The following SLC7A11 variants were observed in gnomAD, a reference collection of about 807,000 sequenced individuals.
SLC7A11 encodes solute carrier family 7 member 11, also known as cystine/glutamate transporter.
In SLC7A11, 35 loss-of-function variants were observed where a neutral mutation model predicts 54.5. That is an observed-to-expected ratio of 0.64 (90% CI 0.49 to 0.85). The LOEUF (loss-of-function observed/expected upper bound fraction) is 0.85, where lower values mean the gene tolerates loss of function less well. SLC7A11 is among the 40% of genes least tolerant of loss of function. The pLI is 0.00. For missense variants in SLC7A11, 583 were observed against 618.1 expected, an observed-to-expected ratio of 0.94 and a Z score of 0.60; for synonymous variants, 230 against 225.2, an observed-to-expected ratio of 1.02 and a Z score of -0.19.
At chr4:138,220,305 C>G (rs1303187448) in intron 4 of SLC7A11, among the ~76,000 whole-genome samples, 1 of 152,100 alleles carries the variant, frequency 6.6e-6, no homozygotes, top group African/African-American at 2.4e-5. Context: ...TGAAGTATTA[C>G]CCATTCATGA....
rs1736221977 is a variant in SLC7A11, at chr4:138,165,042, T to G, written c.*6914A>C. 6.6e-6 allele frequency: 1 copy of G among 152,334 alleles called. No individual in the cohort carries two copies. The highest frequency in any genetic ancestry group is 1.5e-5 in the Non-Finnish European group (1 of 67,998). 9.4% of individuals were successfully genotyped at this position (152,334 alleles called of 1,614,324 possible). Reference sequence around the variant, plus strand: ...GCTTGTCACAGAATATGAAAAATATTTAAATACATTCATAGATAGTACCTA... The same window carrying G: ...GCTTGTCACAGAATATGAAAAATATGTAAATACATTCATAGATAGTACCTA... On this transcript the variant is annotated 3_prime_UTR_variant, in exon 12 of 12. Coordinates refer to ENST00000280612, the MANE Select transcript of SLC7A11 (RefSeq NM_014331.4).
At chr4:138,177,332 T>G (rs933494201) in intron 11 of SLC7A11, 1 of 152,146 alleles carries the variant, frequency 6.6e-6, no homozygotes, top group Non-Finnish European at 1.5e-5. Flanking sequence ...AGAAAAAGTA[T>G]GAAAGCTATG....
intron 6 of SLC7A11, among the ~76,000 whole-genome samples, chr4:138,198,738 C>G (rs1737200640): frequency 6.6e-6 from 1 of 152,000 alleles, no homozygotes; most frequent in Non-Finnish European, 1.5e-5. Context: ...AATGTATAAT[C>G]CAGAATTATT....
chr4:138,196,175 A>G (rs1737127412), intron 6 of SLC7A11, among the ~76,000 whole-genome samples: 2 of 152,274 alleles, frequency 1.3e-5, no homozygotes, highest in South Asian at 4.1e-4. Context: ...AATTATTTGT[A>G]ATAAAAAGCA....
At chr4:138,178,616 A>G (rs1314187455) in intron 11 of SLC7A11, among the ~76,000 whole-genome samples, 1 of 152,122 alleles carries the variant, frequency 6.6e-6, no homozygotes, top group Non-Finnish European at 1.5e-5. Context: ...ATGTATACCT[A>G]TGTAACAAAC....
intron 4 of SLC7A11, among the ~76,000 whole-genome samples, chr4:138,220,286 GCCCATTCATGAAGTATTA>G (rs1382707562): frequency 4.6e-5 from 7 of 152,148 alleles, no homozygotes; most frequent in Middle Eastern, 3.4e-3. Context: ...AGTTAAAAAT[GCCCATTCATGAAGTATTA>G]CCCATTCATG....
intron 5 of SLC7A11, among the ~76,000 whole-genome samples, chr4:138,214,997 A>G (rs1737646872): frequency 6.6e-6 from 1 of 152,150 alleles, no homozygotes; most frequent in Non-Finnish European, 1.5e-5. Flanking sequence ...TAGAGGAGGC[A>G]TCACCCAACT....
At chr4:138,231,343 T>G (rs1485834463) in intron 3 of SLC7A11, among the ~76,000 whole-genome samples, 2 of 152,178 alleles carry the variant, frequency 1.3e-5, no homozygotes, top group Non-Finnish European at 2.9e-5. Flanking sequence ...TTTTTAAATT[T>G]TAATTAAAAA....
intron 6 of SLC7A11, among the ~76,000 whole-genome samples, chr4:138,211,325 T>C (rs1163257320): frequency 1.3e-5 from 2 of 151,784 alleles, no homozygotes; most frequent in African/African-American, 4.8e-5. Context: ...GGATAATTCA[T>C]ACCCCAAACC....
intron 6 of SLC7A11, among the ~76,000 whole-genome samples, chr4:138,194,582 G>C (rs1247335798): frequency 3.9e-5 from 6 of 151,978 alleles, no homozygotes; most frequent in Non-Finnish European, 1.5e-5. Flanking sequence ...ATTTCCCTCA[G>C]CTTTATACTC....
At chr4:138,206,931 T>C (rs925744258) in intron 6 of SLC7A11, among the ~76,000 whole-genome samples, 1 of 150,064 alleles carries the variant, frequency 6.7e-6, no homozygotes, top group Non-Finnish European at 1.5e-5. Flanking sequence ...CACAATTCTA[T>C]TTCTACTGTG....
At chr4:138,225,368 A>T (rs942112548) in intron 3 of SLC7A11, among the ~76,000 whole-genome samples, 3 of 151,730 alleles carry the variant, frequency 2.0e-5, no homozygotes, top group Non-Finnish European at 2.9e-5. Context: ...ACGAAGAAAT[A>T]TTTCAAAGGA....
intron 10 of SLC7A11, among the ~76,000 whole-genome samples, chr4:138,180,433 TC>T (rs1736708784): frequency 6.6e-6 from 1 of 152,050 alleles, no homozygotes; most frequent in Non-Finnish European, 1.5e-5. Context: ...CATACAAAGT[TC>T]AAGCCCATCA....
intron 6 of SLC7A11, among the ~76,000 whole-genome samples, chr4:138,200,961 G>A (rs1245714787): frequency 6.6e-6 from 1 of 152,016 alleles, no homozygotes; most frequent in Admixed American, 6.6e-5. Context: ...CTTAGAGAAC[G>A]GCCATGACCA....
chr4:138,213,541 CTCTA>C (rs769014325), intron 6 of SLC7A11, among the ~76,000 whole-genome samples: 126 of 145,386 alleles, frequency 8.7e-4, no homozygotes, highest in African/African-American at 2.9e-3. Flanking sequence ...TCCTCTCTCT[CTCTA>C]TCTCTCTCTC....
intron 2 of SLC7A11, among the ~76,000 whole-genome samples, chr4:138,233,864 A>G (rs548286835): frequency 9.2e-5 from 14 of 152,178 alleles, no homozygotes; most frequent in Non-Finnish European, 1.9e-4. Flanking sequence ...TCTTCCCACT[A>G]GAAGGATATG....
At chr4:138,222,574 TTC>T (rs1159028404) in intron 4 of SLC7A11, among the ~76,000 whole-genome samples, 3 of 152,216 alleles carry the variant, frequency 2.0e-5, no homozygotes, top group African/African-American at 7.2e-5. Flanking sequence ...ACCTCTCAAT[TTC>T]TTTTTTTAAA....
At chr4:138,222,572 A>AT (rs1737840450) in intron 4 of SLC7A11, among the ~76,000 whole-genome samples, 2 of 152,180 alleles carry the variant, frequency 1.3e-5, no homozygotes, top group African/African-American at 4.8e-5. Flanking sequence ...TCACCTCTCA[A>AT]TTTCTTTTTT....
chr4:138,222,788 T>C (rs905339186), intron 4 of SLC7A11, among the ~76,000 whole-genome samples: 1 of 152,178 alleles, frequency 6.6e-6, no homozygotes, highest in Non-Finnish European at 1.5e-5. Context: ...AGTCAAAGAA[T>C]TATTGATCAT....
Sources: allele counts gnomAD v4.1 joint callset (sites outside exome capture counted in the v4.1 genomes callset), GRCh38; gene constraint gnomAD v4.1.1; transcripts MANE v1.5; gene names NCBI Gene and HGNC (gene_info 2026-07-23, HGNC 2026-07-21).